Variants in OXR1 observed in about 807,000 individuals in gnomAD.
OXR1 encodes oxidation resistance protein 1.
OXR1 carries 41 observed loss-of-function variants against 104.6 expected under a neutral mutation model. The observed-to-expected ratio is 0.39, with a 90% CI of 0.31 to 0.51. The LOEUF (loss-of-function observed/expected upper bound fraction) is 0.51, where lower values mean the gene tolerates loss of function less well. OXR1 is among the 20% of genes least tolerant of loss of function. OXR1 has a pLI of 0.77. For missense variants in OXR1, 955 were observed against 1,031.9 expected, an observed-to-expected ratio of 0.93 and a Z score of 1.02; for synonymous variants, 348 against 348.4, an observed-to-expected ratio of 1.00 and a Z score of 0.01.
chr8:106,637,862 C>T (rs1009988952), intron 3 of OXR1, among the ~76,000 whole-genome samples: 27 of 150,912 alleles, frequency 1.8e-4, no homozygotes, highest in South Asian at 2.1e-4. Flanking sequence ...CCCGGGTTCA[C>T]GCCATTCTCC....
intron 7 of OXR1, among the ~76,000 whole-genome samples, chr8:106,693,198 C>T (rs1186727826): frequency 3.3e-5 from 5 of 152,048 alleles, no homozygotes; most frequent in East Asian, 3.9e-4. Flanking sequence ...TTCTGTATAA[C>T]TAGTATAGCA....
At chr8:106,509,339 A>C (rs1377457999) in intron 2 of OXR1, among the ~76,000 whole-genome samples, 1 of 152,230 alleles carries the variant, frequency 6.6e-6, no homozygotes, top group Non-Finnish European at 1.5e-5. Flanking sequence ...TGTAATTTCA[A>C]AGTGAATGCT....
intron 1 of OXR1, among the ~76,000 whole-genome samples, chr8:106,277,391 G>A (rs1359166794): frequency 1.3e-5 from 2 of 152,162 alleles, no homozygotes; most frequent in Non-Finnish European, 2.9e-5. Context: ...AAGTAAAGAT[G>A]CTAGCATGAT....
intron 2 of OXR1, among the ~76,000 whole-genome samples, chr8:106,458,128 A>G (rs1216975589): frequency 6.6e-6 from 1 of 152,176 alleles, no homozygotes; most frequent in Non-Finnish European, 1.5e-5. Flanking sequence ...GGATAGAAGG[A>G]AGCCAAGTTC....
At chr8:106,509,491 A>G (rs1482187462) in intron 2 of OXR1, among the ~76,000 whole-genome samples, 1 of 152,216 alleles carries the variant, frequency 6.6e-6, no homozygotes, top group African/African-American at 2.4e-5. Context: ...CATGCTACAT[A>G]TTTCTAATCA....
chr8:106,600,183 G>A (rs775456186), intron 3 of OXR1, among the ~76,000 whole-genome samples: 4 of 152,216 alleles, frequency 2.6e-5, no homozygotes, highest in Non-Finnish European at 5.9e-5. Flanking sequence ...CAATGGATGA[G>A]CATATCTGTC....
intron 2 of OXR1, among the ~76,000 whole-genome samples, chr8:106,362,861 C>T (rs761833900): frequency 1.3e-5 from 2 of 152,096 alleles, no homozygotes; most frequent in Non-Finnish European, 2.9e-5. Context: ...ATAGTGGGAA[C>T]TTAGTGTGTA....
At chr8:106,380,787 C>G (rs1586586404) in intron 2 of OXR1, among the ~76,000 whole-genome samples, 1 of 152,054 alleles carries the variant, frequency 6.6e-6, no homozygotes, top group East Asian at 1.9e-4. Flanking sequence ...ATTTTTTGCT[C>G]ATATTTTACT....
intron 3 of OXR1, among the ~76,000 whole-genome samples, chr8:106,617,414 G>A (rs889388872): frequency 1.3e-5 from 2 of 152,002 alleles, no homozygotes; most frequent in Non-Finnish European, 2.9e-5. Flanking sequence ...GGGTGACAGA[G>A]CAAGGCTCCA....
chr8:106,358,583 G>A (rs1024209778), intron 1 of OXR1, among the ~76,000 whole-genome samples: 1 of 152,130 alleles, frequency 6.6e-6, no homozygotes, highest in South Asian at 2.1e-4. Flanking sequence ...GTTCACATAG[G>A]ATATGCTCAA....
intron 3 of OXR1, among the ~76,000 whole-genome samples, chr8:106,649,483 G>T (rs1824365809): frequency 6.8e-6 from 1 of 146,088 alleles, no homozygotes. Context: ...TAAACATCTA[G>T]TAAAAAATAA....
chr8:106,311,034 A>G (rs887629896), intron 1 of OXR1, among the ~76,000 whole-genome samples: 1 of 151,934 alleles, frequency 6.6e-6, no homozygotes, highest in African/African-American at 2.4e-5. Context: ...ACATTTCTGG[A>G]GCTCCTACAA....
chr8:106,270,218 A>G lies in OXR1; in HGVS notation c.-288A>G, dbSNP rs532433758. 1 of 152,214 alleles carries G rather than the reference A, an allele frequency of 6.6e-6. No homozygotes were observed. Among genetic ancestry groups the G allele is most frequent in the South Asian group, 2.1e-4 (1 of 4,824 alleles). 9.4% of individuals were successfully genotyped at this position (152,214 alleles called of 1,614,324 possible). A position where few individuals can be genotyped will look rare whatever the true frequency, so the allele number is the denominator to read the frequency against. Reference sequence around the variant, plus strand: ...CAGCGGCGCCGGCAGCAGCGGGGCTAGAGCTGGGCTGCGTCAGGCTGAGCC... The same window carrying G: ...CAGCGGCGCCGGCAGCAGCGGGGCTGGAGCTGGGCTGCGTCAGGCTGAGCC... On this transcript the variant is annotated 5_prime_UTR_variant, in exon 1 of 17. Coordinates refer to ENST00000517566, the MANE Select transcript of OXR1 (RefSeq NM_001198533.2).
chr8:106,525,496 T>C (rs1318408499), intron 3 of OXR1, among the ~76,000 whole-genome samples: 1 of 152,246 alleles, frequency 6.6e-6, no homozygotes, highest in Non-Finnish European at 1.5e-5. Context: ...TAGAGAAGGA[T>C]TGGAATACCT....
At chr8:106,414,493 T>A (rs539338563) in intron 2 of OXR1, among the ~76,000 whole-genome samples, 90 of 152,306 alleles carry the variant, frequency 5.9e-4, no homozygotes, top group African/African-American at 2.1e-3. Context: ...GAGAAAGAGC[T>A]AGAATTCAAA....
At chr8:106,740,632 C>G (rs533963168) in intron 14 of OXR1, 137 bp downstream of exon 14, 1 of 693,462 alleles carries the variant, frequency 1.4e-6, no homozygotes, top group Admixed American at 2.7e-5. Context: ...TTTTAATATG[C>G]AAGGCAATGT....
intron 3 of OXR1, among the ~76,000 whole-genome samples, chr8:106,645,384 G>A (rs1441102213): frequency 6.6e-6 from 1 of 152,144 alleles, no homozygotes; most frequent in Non-Finnish European, 1.5e-5. Flanking sequence ...TAGTAGGTGG[G>A]GCTGAGGTGC....
At chr8:106,339,121 C>T (rs1271573038) in intron 1 of OXR1, among the ~76,000 whole-genome samples, 2 of 151,952 alleles carry the variant, frequency 1.3e-5, no homozygotes, top group East Asian at 3.9e-4. Flanking sequence ...CTTTTGTGTC[C>T]ACATTGATAA....
intron 7 of OXR1, among the ~76,000 whole-genome samples, chr8:106,698,492 C>T (rs1012031867): frequency 1.3e-5 from 2 of 152,158 alleles, no homozygotes; most frequent in Non-Finnish European, 2.9e-5. Flanking sequence ...CTCCCATCCT[C>T]TCTTTCCTCT....
Sources: gnomAD v4.1 joint callset for allele counts (sites outside exome capture counted in the v4.1 genomes callset) on GRCh38, gnomAD v4.1.1 for gene constraint, MANE v1.5 for transcripts, NCBI Gene and HGNC (gene_info 2026-07-23, HGNC 2026-07-21) for gene names.